Variants in CUX2 observed in about 807,000 individuals in gnomAD.
The protein encoded by CUX2 is cut like homeobox 2, also known as homeobox protein cut-like 2.
CUX2 carries 40 observed loss-of-function variants against 144.8 expected under a neutral mutation model. That is an observed-to-expected ratio of 0.28 (90% CI 0.21 to 0.36). The LOEUF (loss-of-function observed/expected upper bound fraction) is 0.36. Ranked by LOEUF, CUX2 falls within the 10% of genes least tolerant of loss-of-function variation. The pLI is 1.00. For missense variants in CUX2, 1,615 were observed against 1,994.0 expected, an observed-to-expected ratio of 0.81 and a Z score of 3.62; for synonymous variants, 827 against 875.6, an observed-to-expected ratio of 0.94 and a Z score of 0.98.
intron 1 of CUX2, among the ~76,000 whole-genome samples, chr12:111,208,242 A>C (rs1231727385): frequency 6.6e-6 from 1 of 152,030 alleles, no homozygotes; most frequent in Admixed American, 6.5e-5. Flanking sequence ...AGGTGGCCTT[A>C]GGGGGATATG....
rs766661169 is a variant in CUX2, at chr12:111,320,510, C to A, written c.2501C>A (p.Pro834His). The A allele has an allele frequency of 3.2e-6, 5 of 1,579,054 alleles. No individual in the cohort carries two copies. In the Admixed American group the frequency reaches 8.6e-5, roughly 27 times the overall value. Residue 834 changes from proline to histidine, a missense_variant, in exon 17 of 22, where the codon CCC (proline) becomes CAC (histidine). Pro to His is a moderately conservative substitution (Grantham distance 77). Transcript: ENST00000261726. The surrounding 1 kb of genome is among the most constrained non-coding windows in gnomAD (Gnocchi z 8.1). ...WPRGDEAPVP[P>H]EDEAAAGAED... ...CGCGGGGACGAGGCCCCTGTGCCCC[C>A]CGAGGACGAGGCGGCGGCAGGGGCG...
chr12:111,297,415 C>T (rs1163102220), intron 8 of CUX2, among the ~76,000 whole-genome samples: 1 of 152,242 alleles, frequency 6.6e-6, no homozygotes, highest in Non-Finnish European at 1.5e-5. Context: ...CACCTCTGCT[C>T]CTCACCCCCA....
rs373606362 is a variant in CUX2, at chr12:111,198,442, T to C, written c.64-15758T>C. On this transcript the variant is annotated intron_variant, in intron 1 of 21. Coordinates refer to ENST00000261726, the MANE Select transcript of CUX2 (RefSeq NM_015267.4). Reference sequence around the variant, plus strand: ...GTGAGCCGAGATTGTGCCACTGCACTCCAACCTGAGGTACAGAGTGAGACC... The same window carrying C: ...GTGAGCCGAGATTGTGCCACTGCACCCCAACCTGAGGTACAGAGTGAGACC... 6.1e-5 allele frequency among the ~76,000 whole-genome samples: 9 copies of C among 147,552 alleles called. No individual in the cohort carries two copies. The South Asian group carries it at 1.1e-3, about 18-fold the overall frequency.
intron 1 of CUX2, among the ~76,000 whole-genome samples, chr12:111,174,797 G>A (rs1180722152): frequency 6.6e-6 from 1 of 152,166 alleles, no homozygotes; most frequent in African/African-American, 2.4e-5. Flanking sequence ...CTCTTTGGAG[G>A]TATCAGCAGC....
chr12:111,106,551 G>T (rs865837805), intron 1 of CUX2, among the ~76,000 whole-genome samples: 46 of 152,348 alleles, frequency 3.0e-4, no homozygotes, highest in African/African-American at 1.0e-3. Context: ...TCTCACCTCA[G>T]CCCCAAAGTA....
chr12:111,052,146 G>A (rs1444153563), intron 1 of CUX2, among the ~76,000 whole-genome samples: 3 of 151,970 alleles, frequency 2.0e-5, no homozygotes, highest in Non-Finnish European at 2.9e-5. Context: ...CTCTGCCTGC[G>A]ACACTCTTCC....
Position 111,331,389 on chromosome 12 carries a change from G to A in CUX2, c.2927-3052G>A, listed in dbSNP as rs145434842. 3.3e-5 allele frequency among the ~76,000 whole-genome samples: 5 copies of A among 152,230 alleles called. No homozygotes were observed. The East Asian group carries it at 9.7e-4, about 29-fold the overall frequency. On this transcript the variant is annotated intron_variant, in intron 18 of 21. Transcript: ENST00000261726. ...GGCAGTTGAATGCCTCAAGGAAGAGGCATCTTTTTCTAATGTGCTGGGATT... is the reference window on the plus strand; with the variant it reads ...GGCAGTTGAATGCCTCAAGGAAGAGACATCTTTTTCTAATGTGCTGGGATT...
Position 111,326,462 on chromosome 12 carries a change from T to G in CUX2, c.2926+3882T>G, listed in dbSNP as rs376862403. 6.0e-5 allele frequency among the ~76,000 whole-genome samples: 9 copies of G among 149,300 alleles called. No individual in the cohort carries two copies. The South Asian group carries it at 6.5e-4, about 11-fold the overall frequency. On this transcript the variant is annotated intron_variant, in intron 18 of 21. Transcript: ENST00000261726. Reference sequence around the variant, plus strand: ...TATAGTCTTGTGGTGGGGTAGGGGTTGGTTTTGTTTTATAGTGTTGTGGTG... The same window carrying G: ...TATAGTCTTGTGGTGGGGTAGGGGTGGGTTTTGTTTTATAGTGTTGTGGTG...
At chr12:111,319,961 A>T in intron 16 of CUX2, 51 bp from the exon 17 acceptor site, 1 of 1,419,492 alleles carries the variant, frequency 7.0e-7, no homozygotes, top group Non-Finnish European at 9.1e-7. Context: ...CGTCCCCTGC[A>T]TGCCGAGCCC....
intron 15 of CUX2, among the ~76,000 whole-genome samples, chr12:111,311,597 A>T (rs11065860): frequency 0.2 from 26,924 of 135,608 alleles, 3,726 homozygotes; most frequent in East Asian, 0.68. Flanking sequence ...TTTCTTTATT[A>T]TTATTATTTT....
chr12:111,336,307 C>T (rs1283044692), intron 19 of CUX2, among the ~76,000 whole-genome samples: 1 of 152,060 alleles, frequency 6.6e-6, no homozygotes, highest in African/African-American at 2.4e-5. Context: ...ACTACAATTC[C>T]TGTTATAAAA....
chr12:111,038,215 A>G (rs538170358), intron 1 of CUX2, among the ~76,000 whole-genome samples: 56 of 152,390 alleles, frequency 3.7e-4, no homozygotes, highest in Middle Eastern at 6.8e-3. Context: ...TTTACATATC[A>G]GCCACAGAGA....
Position 111,293,104 on chromosome 12 carries a change from G to A in CUX2, c.437-342G>A, listed in dbSNP as rs1269164188. On this transcript the variant is annotated intron_variant, in intron 5 of 21. Coordinates refer to ENST00000261726, the MANE Select transcript of CUX2 (RefSeq NM_015267.4). This position sits in a 1 kb window ranked among gnomAD's most constrained non-coding sequence, Gnocchi z 4.5. ...TGCCACTGCACTCGCAGTCCAGCCT[G>A]GGCAACAGACCAAGACTCCGTCTCA... Among the ~76,000 whole-genome samples, 3 of 151,694 alleles carry A rather than the reference G, an allele frequency of 2.0e-5. No individual in the cohort carries two copies. The highest frequency in any genetic ancestry group is 4.4e-5 in the Non-Finnish European group (3 of 68,000).
chr12:111,301,038 CAA>C lies in CUX2; in HGVS notation c.753+2467_753+2468del, dbSNP rs3061127. Reference sequence around the variant, plus strand: ...TGGACAACAGAGTGAGACCCTATCTCAAAAAAAAAAAAAAAAAAATCCAGCTT... The same window carrying C: ...TGGACAACAGAGTGAGACCCTATCTCAAAAAAAAAAAAAAAAATCCAGCTT... On this transcript the variant is annotated intron_variant, in intron 9 of 21. Coordinates refer to ENST00000261726, the MANE Select transcript of CUX2 (RefSeq NM_015267.4). Among the ~76,000 whole-genome samples, 369 of 106,484 alleles carry C rather than the reference CAA, an allele frequency of 3.5e-3. 1 individual carries two copies. The highest frequency in any genetic ancestry group is 0.011 in the Middle Eastern group (2 of 190). 69.9% of individuals were successfully genotyped at this position (106,484 alleles called of 152,430 possible).
intron 1 of CUX2, among the ~76,000 whole-genome samples, chr12:111,154,595 C>G (rs968402772): frequency 6.6e-6 from 1 of 152,176 alleles, no homozygotes; most frequent in African/African-American, 2.4e-5. Context: ...AATTCTGGCC[C>G]TGCATTTCTG....
intron 1 of CUX2, among the ~76,000 whole-genome samples, chr12:111,090,094 G>C (rs1200719316): frequency 6.6e-6 from 1 of 152,202 alleles, no homozygotes; most frequent in Non-Finnish European, 1.5e-5. Context: ...ATCTTGATGA[G>C]TGATCTGATC....
At chr12:111,154,848 T>C (rs1476866923) in intron 1 of CUX2, among the ~76,000 whole-genome samples, 1 of 152,172 alleles carries the variant, frequency 6.6e-6, no homozygotes, top group African/African-American at 2.4e-5. Context: ...GTTGGACATC[T>C]GTTTGGGGAG....
chr12:111,317,931 C>T (rs1887279102), intron 16 of CUX2, among the ~76,000 whole-genome samples: 2 of 152,002 alleles, frequency 1.3e-5, no homozygotes, highest in South Asian at 4.1e-4. Context: ...ACCTGGGAGG[C>T]AGAAGTTGAG....
intron 3 of CUX2, among the ~76,000 whole-genome samples, chr12:111,231,582 C>A (rs972677929): frequency 4.6e-5 from 7 of 152,266 alleles, no homozygotes; most frequent in Non-Finnish European, 1.0e-4. Flanking sequence ...CAGACTGTGG[C>A]CATTGGGCTA....
Sources: allele counts gnomAD v4.1 joint callset (sites outside exome capture counted in the v4.1 genomes callset), GRCh38; gene constraint gnomAD v4.1.1; non-coding constraint Gnocchi (gnomAD v3.1); transcripts MANE v1.5; gene names NCBI Gene and HGNC (gene_info 2026-07-23, HGNC 2026-07-21).